The following ARFIP1 variants were observed in gnomAD, a reference collection of about 807,000 sequenced individuals.
ARFIP1 encodes the protein ARF interacting protein 1, also known as arfaptin-1.
ARFIP1 carries 24 observed loss-of-function variants against 42.5 expected under a neutral mutation model. The observed-to-expected ratio is 0.57, with a 90% confidence interval of 0.41 to 0.80. ARFIP1 has a LOEUF of 0.80. Among genes scored for constraint, ARFIP1 ranks in the 30% least tolerant of loss-of-function variants. The probability of loss-of-function intolerance (pLI) is 0.00; values close to 1 mark genes in which losing one functional copy is unlikely to be tolerated. For missense variants in ARFIP1, 354 were observed against 434.0 expected (o/e 0.82, Z 1.64); for synonymous variants, 141 against 153.7 (o/e 0.92, Z 0.61).
At chr4:152,884,576 T>C (rs563571295) in intron 7 of ARFIP1, among the ~76,000 whole-genome samples, 7 of 152,176 alleles carry the variant, frequency 4.6e-5, no homozygotes, top group African/African-American at 1.7e-4. Context: ...GTTGAGAACT[T>C]TGTGAATCTA....
At chr4:152,894,219 A>G (rs1737115614) in intron 8 of ARFIP1, among the ~76,000 whole-genome samples, 6 of 151,856 alleles carry the variant, frequency 4.0e-5, no homozygotes, top group Middle Eastern at 3.2e-3. Flanking sequence ...AAAAAAAAAA[A>G]AAAGAAAGAA....
chr4:152,805,770 A>G (rs1343846913), intron 1 of ARFIP1, among the ~76,000 whole-genome samples: 1 of 152,250 alleles, frequency 6.6e-6, no homozygotes, highest in Non-Finnish European at 1.5e-5. Flanking sequence ...TGAGGTAGGT[A>G]CCATTATCAT....
intron 1 of ARFIP1, among the ~76,000 whole-genome samples, chr4:152,793,397 G>A (rs1027168590): frequency 4.7e-5 from 7 of 149,954 alleles, no homozygotes; most frequent in Admixed American, 2.0e-4. Context: ...TTTGATTTAT[G>A]TTTCTCTATC....
At chr4:152,880,310 T>G (rs2149891121) in intron 5 of ARFIP1, among the ~76,000 whole-genome samples, 1 of 151,538 alleles carries the variant, frequency 6.6e-6, no homozygotes, top group African/African-American at 2.4e-5. Context: ...ACCACTGCAC[T>G]TCATCCAGCC....
intron 1 of ARFIP1, among the ~76,000 whole-genome samples, chr4:152,798,315 C>G (rs1261350309): frequency 6.6e-6 from 1 of 152,130 alleles, no homozygotes; most frequent in African/African-American, 2.4e-5. Context: ...TTTTCCTGAT[C>G]TTAGTGGAAA....
At chr4:152,851,167 T>A (rs1732945464) in intron 2 of ARFIP1, among the ~76,000 whole-genome samples, 1 of 152,180 alleles carries the variant, frequency 6.6e-6, no homozygotes, top group South Asian at 2.1e-4. Context: ...AGAATACAAG[T>A]GGTGAACAAG....
chr4:152,819,063 G>A (rs1297060722), intron 1 of ARFIP1, among the ~76,000 whole-genome samples: 4 of 152,052 alleles, frequency 2.6e-5, no homozygotes, highest in Non-Finnish European at 4.4e-5. Context: ...CAATGGGCAG[G>A]GGCCTTTGGG....
intron 1 of ARFIP1, chr4:152,795,921 G>A (rs192006660): frequency 8.2e-4 from 111 of 135,940 alleles, no homozygotes; most frequent in African/African-American, 3.1e-3. Context: ...GTTTTTTTCC[G>A]CCCCATTTTA....
At chr4:152,889,810 TA>T (rs1383852215) in intron 8 of ARFIP1, among the ~76,000 whole-genome samples, 6 of 111,546 alleles carry the variant, frequency 5.4e-5, no homozygotes, top group Non-Finnish European at 8.5e-5. Context: ...TACTATATAC[TA>T]TATATATACT....
intron 3 of ARFIP1, among the ~76,000 whole-genome samples, chr4:152,865,326 G>A (rs1419774481): frequency 1.3e-5 from 2 of 151,898 alleles, no homozygotes; most frequent in African/African-American, 2.4e-5. Context: ...TAGTAGAGAC[G>A]GGGTTTCACT....
intron 1 of ARFIP1, chr4:152,809,561 C>T (rs1394339342): frequency 6.6e-6 from 1 of 152,140 alleles, no homozygotes; most frequent in African/African-American, 2.4e-5. Context: ...ATGGAATATT[C>T]CATTGCTTCT....
At position 152,804,422 on chromosome 4, in the gene ARFIP1, T is replaced by TTATATATAATATAACATGTATTATATA. The variant is rs1554022249; in HGVS notation, c.-10+24200_-10+24226dup. ...TATATAATATAACATGTATTATATA[T>TTATATATAATATAACATGTATTATATA]TATATATAATATAACATGTATTATA... is the stretch of plus-strand genomic sequence containing the variant. On this transcript the variant is annotated intron_variant, in intron 1 of 8. Coordinates refer to ENST00000353617, the MANE Select transcript of ARFIP1 (RefSeq NM_001025595.3). Among the ~76,000 whole-genome samples, 45 of 107,438 alleles carry TTATATATAATATAACATGTATTATATA rather than the reference T, an allele frequency of 4.2e-4. 1 individual carries two copies. The highest frequency in any genetic ancestry group is 7.3e-4 in the Non-Finnish European group (42 of 57,846). The allele number at this position is 107,438 out of a possible 152,430, so 70.5% of individuals were successfully genotyped here. A position where few individuals can be genotyped will look rare whatever the true frequency, so the allele number is the denominator to read the frequency against.
intron 8 of ARFIP1, among the ~76,000 whole-genome samples, chr4:152,909,268 C>T (rs771415299): frequency 6.6e-6 from 1 of 151,990 alleles, no homozygotes; most frequent in Non-Finnish European, 1.5e-5. Flanking sequence ...ACTTGTAATC[C>T]CAGCTACTCG....
At chr4:152,858,514 C>A (rs898543543) in intron 2 of ARFIP1, among the ~76,000 whole-genome samples, 2 of 152,116 alleles carry the variant, frequency 1.3e-5, no homozygotes, top group African/African-American at 4.8e-5. Flanking sequence ...ACCAAAAAGT[C>A]TAATGTAAGA....
At chr4:152,796,871 G>A in intron 1 of ARFIP1, 1 of 467,684 alleles carries the variant, frequency 2.1e-6, no homozygotes, top group Non-Finnish European at 3.8e-6. Context: ...CAGCCCTTGG[G>A]GTGCAAAAAT....
intron 8 of ARFIP1, among the ~76,000 whole-genome samples, chr4:152,904,951 A>T (rs1561186434): frequency 6.6e-6 from 1 of 152,198 alleles, no homozygotes; most frequent in Non-Finnish European, 1.5e-5. Flanking sequence ...TTCTGGTTCT[A>T]GATCCTTGAG....
intron 8 of ARFIP1, among the ~76,000 whole-genome samples, chr4:152,899,555 G>C (rs953071632): frequency 1.3e-5 from 2 of 152,112 alleles, no homozygotes; most frequent in Non-Finnish European, 1.5e-5. Flanking sequence ...TTTTGGACTC[G>C]GAGATCAGAT....
At chr4:152,806,642 C>T (rs527861357) in intron 1 of ARFIP1, among the ~76,000 whole-genome samples, 8 of 152,232 alleles carry the variant, frequency 5.3e-5, no homozygotes, top group African/African-American at 1.7e-4. Flanking sequence ...ATGTTTCCAT[C>T]ACCATACAGT....
chr4:152,904,571 C>G (rs907505947), intron 8 of ARFIP1, among the ~76,000 whole-genome samples: 3 of 152,108 alleles, frequency 2.0e-5, no homozygotes, highest in Non-Finnish European at 4.4e-5. Flanking sequence ...CCGACAGGCC[C>G]CAGTGTGTGT....
Sources: gnomAD v4.1 joint callset for allele counts (sites outside exome capture counted in the v4.1 genomes callset) on GRCh38, gnomAD v4.1.1 for gene constraint, MANE v1.5 for transcripts, NCBI Gene and HGNC (gene_info 2026-07-23, HGNC 2026-07-21) for gene names.